The following ARID3A variants were observed in gnomAD, a reference collection of about 807,000 sequenced individuals.
ARID3A encodes the protein AT-rich interactive domain-containing protein 3A.
Under a neutral mutation model 52.7 loss-of-function variants are expected in ARID3A, and 11 were observed. The observed-to-expected ratio is 0.21, with a 90% CI of 0.13 to 0.35. ARID3A has a LOEUF of 0.35. ARID3A is among the 10% of genes least tolerant of loss of function. ARID3A has a pLI of 1.00. For missense variants in ARID3A, 721 were observed against 838.5 expected, an observed-to-expected ratio of 0.86 and a Z score of 1.73; for synonymous variants, 404 against 359.4, an observed-to-expected ratio of 1.12 and a Z score of -1.40.
At position 959,833 on chromosome 19, in the gene ARID3A, A is replaced by G. The variant is rs992731825; in HGVS notation, c.694-259A>G. Among the ~76,000 whole-genome samples the G allele has an allele frequency of 6.6e-6, 1 of 152,128 alleles. No individual in the cohort carries two copies. Among genetic ancestry groups the G allele is most frequent in the Non-Finnish European group, 1.5e-5 (1 of 68,012 alleles). On this transcript the variant is annotated intron_variant, in intron 3 of 8. Transcript: ENST00000263620. The surrounding 1 kb of genome is among the most constrained non-coding windows in gnomAD (Gnocchi z 5.0). Reference sequence around the variant, plus strand: ...CCGGGCCCCTGGACCGGGAGAGGACACTGTCTTGTCCCAGGCCACCTGGTT... The same window carrying G: ...CCGGGCCCCTGGACCGGGAGAGGACGCTGTCTTGTCCCAGGCCACCTGGTT...
intron 4 of ARID3A, among the ~76,000 whole-genome samples, chr19:962,897 T>G (rs1169584852): frequency 6.6e-6 from 1 of 152,184 alleles, no homozygotes; most frequent in Non-Finnish European, 1.5e-5. Context: ...TGGGCAGGTT[T>G]CCGGGCCGAT....
At chr19:963,923 TGGA>T (rs1366009661) in intron 4 of ARID3A, among the ~76,000 whole-genome samples, 3 of 152,156 alleles carry the variant, frequency 2.0e-5, no homozygotes, top group Non-Finnish European at 4.4e-5. Flanking sequence ...GTGTGTGGCG[TGGA>T]GAAGGAATAA....
intron 6 of ARID3A, among the ~76,000 whole-genome samples, chr19:966,165 C>CA (rs558429852): frequency 0.022 from 2,574 of 116,392 alleles, 75 homozygotes; most frequent in African/African-American, 0.074. Flanking sequence ...TGTCTCAAAG[C>CA]AAAAAAAAAA....
chr19:967,091 C>T (rs1213359357), intron 7 of ARID3A, among the ~76,000 whole-genome samples: 2 of 151,990 alleles, frequency 1.3e-5, no homozygotes, highest in African/African-American at 2.4e-5. Context: ...AACTCCATCT[C>T]TACTAAAAAT....
In ARID3A at chr19:932,562, A is replaced by C; in HGVS notation, c.513A>C (p.Ala171=). Residue 171 remains alanine (A), a synonymous_variant, in exon 3 of 9, where the codon GCA becomes GCC. Coordinates refer to ENST00000263620, the MANE Select transcript of ARID3A (RefSeq NM_005224.3). The part of the protein sequence containing the change: ...PPGPASLGTT[A]LFPRKAQPPQ... ...GCCCTGCCAGCTTGGGCACCACGGC[A>C]CTGTTCCCCCGAAAGGCCCAGCCAC... The C allele has an allele frequency of 2.7e-6, 4 of 1,507,892 alleles. No homozygotes were observed. Among genetic ancestry groups the C allele is most frequent in the Non-Finnish European group, 3.5e-6 (4 of 1,131,110 alleles). The allele number at this position is 1,507,892 out of a possible 1,614,324, so 93.4% of individuals were successfully genotyped here. A position where few individuals can be genotyped will look rare whatever the true frequency, so the allele number is the denominator to read the frequency against.
At position 932,585 on chromosome 19, in the gene ARID3A, C is replaced by T. The variant is rs1267782468; in HGVS notation, c.536C>T (p.Pro179Leu). 1.1e-5 allele frequency: 17 copies of T among 1,505,878 alleles called. No homozygotes were observed. Among genetic ancestry groups the T allele is most frequent in the African/African-American group, 1.4e-5 (1 of 70,010 alleles). 93.3% of individuals were successfully genotyped at this position (1,505,878 alleles called of 1,614,324 possible). A position where few individuals can be genotyped will look rare whatever the true frequency, so the allele number is the denominator to read the frequency against. ...GCACTGTTCCCCCGAAAGGCCCAGC[C>T]ACCCCAGGCCTTCCGCGGCGATGGC... ...TTALFPRKAQ[P>L]PQAFRGDGVP... The change falls in exon 3 of 9, where the codon CCA becomes CTA. Residue 179 changes from proline to leucine, a missense_variant. Physicochemically the swap from Pro to Leu is moderately conservative, Grantham distance 98. This residue lies in a region of ARID3A where 349 missense variants were observed against 297.3 expected (regional missense o/e 1.17). Coordinates refer to ENST00000263620, the MANE Select transcript of ARID3A (RefSeq NM_005224.3).
At chr19:933,768 C>T (rs777936662) in intron 3 of ARID3A, among the ~76,000 whole-genome samples, 50 of 149,044 alleles carry the variant, frequency 3.4e-4, no homozygotes, top group Non-Finnish European at 5.8e-4. Context: ...GTTGGGCTGC[C>T]TGGAAACTCA....
Position 936,433 on chromosome 19 carries a change from A to G in ARID3A, c.693+3691A>G, listed in dbSNP as rs2037440299. 2.6e-5 allele frequency among the ~76,000 whole-genome samples: 4 copies of G among 152,226 alleles called. No homozygotes were observed. The South Asian group carries it at 8.3e-4, about 32-fold the overall frequency. ...GTGGCGCACACCTGTAGTCCCAGCT[A>G]CTTGGGACCCTGAGGTGGGAGGATC... is the stretch of plus-strand genomic sequence containing the variant. On this transcript the variant is annotated intron_variant, in intron 3 of 8. Coordinates refer to ENST00000263620, the MANE Select transcript of ARID3A (RefSeq NM_005224.3).
At position 947,411 on chromosome 19, in the gene ARID3A, GCA is replaced by G. The variant is rs1215739373; in HGVS notation, c.694-12679_694-12678del. ...CTGATCCCACCCCGGCCACATCTCA[GCA>G]CCAGGCCTGTCGCTGCCGTCCTGGA... On this transcript the variant is annotated intron_variant, in intron 3 of 8. Transcript: ENST00000263620. This position sits in a 1 kb window ranked among gnomAD's most constrained non-coding sequence, Gnocchi z 6.3. Among the ~76,000 whole-genome samples, 2 of 152,164 alleles carry G rather than the reference GCA, an allele frequency of 1.3e-5. No homozygotes were observed. The highest frequency in any genetic ancestry group is 2.9e-5 in the Non-Finnish European group (2 of 68,032).
chr19:927,313 T>TG (rs2037221787), intron 1 of ARID3A, among the ~76,000 whole-genome samples: 1 of 100,470 alleles, frequency 1.0e-5, no homozygotes, highest in African/African-American at 3.7e-5. Context: ...AAAGGGCTCT[T>TG]GGGGGGAGGG....
At chr19:943,436 C>T (rs561599912) in intron 3 of ARID3A, among the ~76,000 whole-genome samples, 12 of 151,706 alleles carry the variant, frequency 7.9e-5, no homozygotes, top group East Asian at 5.8e-4. Context: ...GGCGTGGTGG[C>T]GGGTGCCTGT....
rs761261637 is a variant in ARID3A at position 929,661 on chromosome 19, G to C, written c.133G>C (p.Glu45Gln). The C allele has an allele frequency of 6.5e-7, 1 of 1,548,150 alleles. No individual in the cohort carries two copies. Among genetic ancestry groups the C allele is most frequent in the South Asian group, 1.2e-5 (1 of 85,116 alleles). Residue 45 changes from glutamate (E) to glutamine (Q), a missense_variant, in exon 2 of 9, where the codon GAG becomes CAG. By Grantham distance (29) the Glu-to-Gln change is conservative. This residue lies in a region of ARID3A where 349 missense variants were observed against 297.3 expected (regional missense o/e 1.17). Coordinates refer to ENST00000263620, the MANE Select transcript of ARID3A (RefSeq NM_005224.3). This position sits in a 1 kb window ranked among gnomAD's most constrained non-coding sequence, Gnocchi z 6.2. ...PPGRARAAPD[E>Q]DREPESARMQ... ...CGGCCGGGCCCGGGCTGCCCCCGAC[G>C]AGGACAGAGAGCCCGAGAGTGCCCG...
At chr19:957,732 C>A (rs2037951624) in intron 3 of ARID3A, among the ~76,000 whole-genome samples, 1 of 152,000 alleles carries the variant, frequency 6.6e-6, no homozygotes, top group South Asian at 2.1e-4. Context: ...TGGTCCCAGC[C>A]ACTTGGGCAG....
At position 930,572 on chromosome 19, in the gene ARID3A, T is replaced by G. The variant is rs187773741; in HGVS notation, c.368+676T>G. Among the ~76,000 whole-genome samples the G allele has an allele frequency of 5.5e-3, 804 of 146,884 alleles. 10 individuals carry two copies. Among genetic ancestry groups the G allele is most frequent in the African/African-American group, 0.019 (775 of 39,818 alleles). On this transcript the variant is annotated intron_variant, in intron 2 of 8. Coordinates refer to ENST00000263620, the MANE Select transcript of ARID3A (RefSeq NM_005224.3). ...TCGCCCAGGCTGGAGTGCAGTGGCG[T>G]GATCTCAGCTCACTGCAACCTCCTC...
intron 3 of ARID3A, among the ~76,000 whole-genome samples, chr19:934,599 CT>C (rs2037401578): frequency 1.3e-5 from 2 of 152,320 alleles, no homozygotes; most frequent in East Asian, 1.9e-4. Context: ...CACCTGCCCC[CT>C]GGGTGTACCG....
At chr19:936,748 A>G (rs1321013151) in intron 3 of ARID3A, among the ~76,000 whole-genome samples, 1 of 152,126 alleles carries the variant, frequency 6.6e-6, no homozygotes, top group Non-Finnish European at 1.5e-5. Flanking sequence ...AGGCTGAGGC[A>G]GGGGAATCAC....
At chr19:948,821 T>G (rs2037741598) in intron 3 of ARID3A, among the ~76,000 whole-genome samples, 1 of 149,936 alleles carries the variant, frequency 6.7e-6, no homozygotes, top group East Asian at 2.0e-4. Context: ...GTGATTCTCC[T>G]GCCTCAGCCT....
At chr19:936,931 C>T (rs1278511092) in intron 3 of ARID3A, among the ~76,000 whole-genome samples, 1 of 152,134 alleles carries the variant, frequency 6.6e-6, no homozygotes, top group East Asian at 1.9e-4. Context: ...CACACATCCC[C>T]TCCTGCCTCT....
At chr19:952,512 G>C (rs890883225) in intron 3 of ARID3A, among the ~76,000 whole-genome samples, 2 of 149,916 alleles carry the variant, frequency 1.3e-5, no homozygotes, top group Non-Finnish European at 3.0e-5. Context: ...GCCAAGTCTC[G>C]GGCCAACCCT....
Sources: allele counts gnomAD v4.1 joint callset (sites outside exome capture counted in the v4.1 genomes callset), GRCh38; gene constraint gnomAD v4.1.1; regional missense constraint gnomAD v4.1.1; non-coding constraint Gnocchi (gnomAD v3.1); transcripts MANE v1.5; gene names NCBI Gene and HGNC (gene_info 2026-07-23, HGNC 2026-07-21).